The following TENM2 variants were observed in gnomAD, a reference collection of about 807,000 sequenced individuals.
The protein encoded by TENM2 is teneurin transmembrane protein 2.
A neutral mutation model predicts 245.2 loss-of-function variants in TENM2; 52 were observed. The ratio of observed to expected loss-of-function variants is 0.21; its 90% CI spans 0.17 to 0.27. The LOEUF (loss-of-function observed/expected upper bound fraction) is 0.27. Among genes scored for constraint, TENM2 ranks in the 10% least tolerant of loss-of-function variants. TENM2 has a pLI of 1.00. For missense variants in TENM2, 3,046 were observed against 3,666.8 expected (o/e 0.83, Z 4.37); for synonymous variants, 1,363 against 1,438.9 (o/e 0.95, Z 1.19).
intron 9 of TENM2, among the ~76,000 whole-genome samples, chr5:168,103,873 C>A (rs1794023350): frequency 6.6e-6 from 1 of 152,146 alleles, no homozygotes; most frequent in African/African-American, 2.4e-5. Flanking sequence ...CAGGGAGTAA[C>A]CCTGAGCCAA....
chr5:167,081,179 G>T, the TENM2 span, among the ~76,000 whole-genome samples: 1 of 151,648 alleles, frequency 6.6e-6, no homozygotes, highest in Non-Finnish European at 1.5e-5. Flanking sequence ...ATTATGGACA[G>T]CCAACATAAA....
intron 2 of TENM2, among the ~76,000 whole-genome samples, chr5:167,835,474 T>C (rs1219615128): frequency 6.6e-6 from 1 of 152,214 alleles, no homozygotes; most frequent in Non-Finnish European, 1.5e-5. Context: ...CCTTTACTTA[T>C]TCAAGAGTTG....
chr5:168,108,120 A>G (rs1419047815), intron 9 of TENM2, among the ~76,000 whole-genome samples: 1 of 152,256 alleles, frequency 6.6e-6, no homozygotes, highest in African/African-American at 2.4e-5. Flanking sequence ...CAAGTGCTAA[A>G]GAACAAGGTT....
intron 7 of TENM2, among the ~76,000 whole-genome samples, chr5:168,067,711 T>C (rs1320474336): frequency 6.6e-6 from 1 of 152,158 alleles, no homozygotes; most frequent in East Asian, 1.9e-4. Flanking sequence ...CCTGGCTGTT[T>C]GGAGCTCCTT....
At chr5:168,225,628 G>A (rs1281453632) in intron 23 of TENM2, among the ~76,000 whole-genome samples, 1 of 152,006 alleles carries the variant, frequency 6.6e-6, no homozygotes, top group Non-Finnish European at 1.5e-5. Flanking sequence ...AGGCATCGTG[G>A]TGCATGCCTG....
At chr5:167,955,656 G>T (rs967684618) in intron 4 of TENM2, among the ~76,000 whole-genome samples, 2 of 152,180 alleles carry the variant, frequency 1.3e-5, no homozygotes, top group African/African-American at 4.8e-5. Flanking sequence ...AAGGCATAAG[G>T]AAGTGTTCCA....
intron 1 of TENM2, among the ~76,000 whole-genome samples, chr5:167,347,755 T>C (rs1328983400): frequency 6.6e-6 from 1 of 152,150 alleles, no homozygotes; most frequent in African/African-American, 2.4e-5. Context: ...TATCAATCTA[T>C]TTATATTTAT....
chr5:167,264,528 G>A, the TENM2 span, among the ~76,000 whole-genome samples: 1 of 152,162 alleles, frequency 6.6e-6, no homozygotes, highest in Admixed American at 6.6e-5. Context: ...TTCCCATGGA[G>A]ATTGTGTCAC....
At chr5:167,822,320 G>T (rs1767599965) in intron 2 of TENM2, among the ~76,000 whole-genome samples, 1 of 152,044 alleles carries the variant, frequency 6.6e-6, no homozygotes, top group African/African-American at 2.4e-5. Context: ...GCAAAAACTG[G>T]GTCGCTTGTT....
At chr5:167,848,130 A>G (rs1770220014) in intron 2 of TENM2, among the ~76,000 whole-genome samples, 1 of 152,218 alleles carries the variant, frequency 6.6e-6, no homozygotes, top group Admixed American at 6.5e-5. Flanking sequence ...CATTAGGAAC[A>G]TGTAGAGAAA....
At chr5:167,415,590 CTG>C (rs1367200788) in intron 2 of TENM2, among the ~76,000 whole-genome samples, 3 of 151,946 alleles carry the variant, frequency 2.0e-5, no homozygotes, top group Non-Finnish European at 4.4e-5. Context: ...TCTGAATTTC[CTG>C]TGTCTTATTA....
the TENM2 span, among the ~76,000 whole-genome samples, chr5:166,996,110 G>A: frequency 6.6e-6 from 1 of 152,048 alleles, no homozygotes; most frequent in Admixed American, 6.5e-5. Context: ...TTGGGAGGCC[G>A]AGGCGGACAG....
intron 7 of TENM2, among the ~76,000 whole-genome samples, chr5:168,089,326 T>C: frequency 6.6e-6 from 1 of 152,152 alleles, no homozygotes; most frequent in East Asian, 1.9e-4. Context: ...TTTCATTTTT[T>C]CTCCCTTTAG....
intron 2 of TENM2, among the ~76,000 whole-genome samples, chr5:167,875,768 G>A (rs1583255231): frequency 6.6e-6 from 1 of 151,956 alleles, no homozygotes; most frequent in Non-Finnish European, 1.5e-5. Flanking sequence ...GGATATTTCT[G>A]CTCATGTCCT....
intron 13 of TENM2, among the ~76,000 whole-genome samples, chr5:168,172,133 G>A (rs1758893192): frequency 6.6e-6 from 1 of 152,186 alleles, no homozygotes; most frequent in African/African-American, 2.4e-5. Flanking sequence ...GGTGCTACTG[G>A]CATCCAGTGG....
intron 2 of TENM2, among the ~76,000 whole-genome samples, chr5:167,635,491 C>A (rs1444069147): frequency 6.6e-6 from 1 of 152,040 alleles, no homozygotes; most frequent in Non-Finnish European, 1.5e-5. Context: ...AAAGTTAAAC[C>A]AATCACCAGT....
intron 6 of TENM2, among the ~76,000 whole-genome samples, chr5:168,054,135 A>G (rs1789343068): frequency 6.6e-6 from 1 of 152,222 alleles, no homozygotes; most frequent in African/African-American, 2.4e-5. Context: ...AAAGCAACAA[A>G]TTGAAATTTC....
intron 2 of TENM2, among the ~76,000 whole-genome samples, chr5:167,800,371 C>T (rs541626069): frequency 5.9e-5 from 9 of 152,240 alleles, no homozygotes; most frequent in South Asian, 4.2e-4. Context: ...TCTGAGAAAA[C>T]GAATGGAAGT....
the TENM2 span, among the ~76,000 whole-genome samples, chr5:167,238,585 A>G: frequency 6.6e-6 from 1 of 150,680 alleles, no homozygotes; most frequent in African/African-American, 2.4e-5. Context: ...CAAGCCTGCT[A>G]GGTTCTACCC....
Sources: gnomAD v4.1 joint callset for allele counts (sites outside exome capture counted in the v4.1 genomes callset) on GRCh38, gnomAD v4.1.1 for gene constraint, MANE v1.5 for transcripts, NCBI Gene and HGNC (gene_info 2026-07-23, HGNC 2026-07-21) for gene names.